The following ROBO1 variants were observed in gnomAD, a reference collection of about 807,000 sequenced individuals.
ROBO1 encodes roundabout homolog 1.
A neutral mutation model predicts 195.9 loss-of-function variants in ROBO1; 149 were observed. That is an observed-to-expected ratio of 0.76 (90% CI 0.67 to 0.87). ROBO1 has a LOEUF of 0.87. Ranked by LOEUF, ROBO1 falls within the 40% of genes least tolerant of loss-of-function variation. ROBO1 has a pLI of 0.00. For missense variants in ROBO1, 1,933 were observed against 2,068.3 expected, an observed-to-expected ratio of 0.93 and a Z score of 1.27; for synonymous variants, 816 against 733.2, an observed-to-expected ratio of 1.11 and a Z score of -1.82.
At chr3:78,739,684 C>A (rs554587869) in intron 5 of ROBO1, among the ~76,000 whole-genome samples, 128 of 152,216 alleles carry the variant, frequency 8.4e-4, no homozygotes, top group African/African-American at 2.7e-3. Flanking sequence ...TTTTAAAAAA[C>A]TACTCAATTT....
chr3:79,245,516 G>T (rs1272457510), intron 2 of ROBO1, among the ~76,000 whole-genome samples: 1 of 151,934 alleles, frequency 6.6e-6, no homozygotes, highest in African/African-American at 2.4e-5. Flanking sequence ...TAGCTTTGAG[G>T]TCTTTCCAGA....
At chr3:79,179,929 G>A (rs1576780012) in intron 2 of ROBO1, among the ~76,000 whole-genome samples, 1 of 152,014 alleles carries the variant, frequency 6.6e-6, no homozygotes, top group Non-Finnish European at 1.5e-5. Context: ...TGATTTTATT[G>A]GTTGACATGT....
intron 3 of ROBO1, among the ~76,000 whole-genome samples, chr3:78,988,913 A>G (rs1422015063): frequency 1.3e-5 from 2 of 152,192 alleles, no homozygotes; most frequent in African/African-American, 2.4e-5. Context: ...TCTGTCATAT[A>G]CCAAAAAAAG....
chr3:79,653,274 T>C (rs1946066640), intron 1 of ROBO1, among the ~76,000 whole-genome samples: 1 of 151,882 alleles, frequency 6.6e-6, no homozygotes, highest in Non-Finnish European at 1.5e-5. Flanking sequence ...TAATTTTTAA[T>C]TAAAATATTT....
chr3:79,637,062 A>G (rs1945516610), intron 1 of ROBO1, among the ~76,000 whole-genome samples: 1 of 152,190 alleles, frequency 6.6e-6, no homozygotes, highest in Admixed American at 6.5e-5. Flanking sequence ...TAAAAATTCA[A>G]TCACACTAAT....
chr3:78,891,834 C>G (rs1486508507), intron 4 of ROBO1, among the ~76,000 whole-genome samples: 1 of 152,124 alleles, frequency 6.6e-6, no homozygotes, highest in Non-Finnish European at 1.5e-5. Context: ...GAAGCCACAT[C>G]AAAATAGCAT....
At chr3:79,474,828 C>A (rs556869821) in intron 2 of ROBO1, among the ~76,000 whole-genome samples, 1 of 151,978 alleles carries the variant, frequency 6.6e-6, no homozygotes, top group Non-Finnish European at 1.5e-5. Flanking sequence ...TATTTGACAA[C>A]AAAGTGCATT....
chr3:79,102,529 T>C (rs2079697149), intron 3 of ROBO1, among the ~76,000 whole-genome samples: 1 of 151,872 alleles, frequency 6.6e-6, no homozygotes, highest in South Asian at 2.1e-4. Context: ...CAAAACTTCC[T>C]GTTTGCCAAT....
At chr3:79,716,969 T>A (rs915003336) in intron 1 of ROBO1, among the ~76,000 whole-genome samples, 1 of 152,098 alleles carries the variant, frequency 6.6e-6, no homozygotes, top group South Asian at 2.1e-4. Flanking sequence ...AGTAACTACA[T>A]ACCTAATCAT....
intron 2 of ROBO1, among the ~76,000 whole-genome samples, chr3:79,286,884 A>T (rs530178711): frequency 1.2e-3 from 183 of 152,306 alleles, no homozygotes; most frequent in African/African-American, 4.1e-3. Flanking sequence ...AATCCACATG[A>T]CTTTTAAAGA....
chr3:79,587,998 A>G (rs1943881550), intron 2 of ROBO1, among the ~76,000 whole-genome samples: 1 of 151,758 alleles, frequency 6.6e-6, no homozygotes, highest in Non-Finnish European at 1.5e-5. Flanking sequence ...ATCTAACTGT[A>G]TGCATCCCAT....
chr3:79,707,225 C>T (rs1455972694), intron 1 of ROBO1, among the ~76,000 whole-genome samples: 1 of 152,104 alleles, frequency 6.6e-6, no homozygotes. Flanking sequence ...AGAGTACTGA[C>T]ATATGGTGTC....
At chr3:78,927,995 A>C (rs2039310768) in intron 4 of ROBO1, among the ~76,000 whole-genome samples, 1 of 152,208 alleles carries the variant, frequency 6.6e-6, no homozygotes, top group Non-Finnish European at 1.5e-5. Flanking sequence ...GCCTGCTGTC[A>C]GCCAGGCACA....
At chr3:78,655,124 T>C (rs543450277) in intron 18 of ROBO1, among the ~76,000 whole-genome samples, 21 of 152,042 alleles carry the variant, frequency 1.4e-4, no homozygotes, top group Non-Finnish European at 1.8e-4. Flanking sequence ...TTGGTTTTTT[T>C]TAAAAAAAAT....
chr3:79,207,797 A>T (rs1228241485), intron 2 of ROBO1, among the ~76,000 whole-genome samples: 1 of 152,000 alleles, frequency 6.6e-6, no homozygotes, highest in Non-Finnish European at 1.5e-5. Context: ...AAAAAAAAAA[A>T]AAAAATCCAT....
At chr3:78,648,170 CAACA>C (rs924818645) in intron 19 of ROBO1, among the ~76,000 whole-genome samples, 14 of 151,442 alleles carry the variant, frequency 9.2e-5, no homozygotes, top group East Asian at 2.0e-4. Flanking sequence ...GAAGAAGAAA[CAACA>C]AACAAACAAA....
intron 4 of ROBO1, among the ~76,000 whole-genome samples, chr3:78,884,683 GGAAGGAAGGAAGGAAGGAAGGAAAGAAA>G (rs1431188895): frequency 3.8e-5 from 5 of 132,918 alleles, no homozygotes; most frequent in African/African-American, 1.5e-4. Flanking sequence ...AAGGAAGGAA[GGAAGGAAGGAAGGAAGGAAGGAAAGAAA>G]GAAGGAAAGG....
intron 3 of ROBO1, among the ~76,000 whole-genome samples, chr3:79,061,680 C>A (rs1271249285): frequency 6.6e-6 from 1 of 151,938 alleles, no homozygotes; most frequent in Non-Finnish European, 1.5e-5. Flanking sequence ...AGAACAGAGA[C>A]CTCAGAAATA....
intron 2 of ROBO1, among the ~76,000 whole-genome samples, chr3:79,333,403 A>C (rs897481828): frequency 6.6e-6 from 1 of 152,042 alleles, no homozygotes; most frequent in East Asian, 1.9e-4. Context: ...ACATATCCTT[A>C]TCAATTATCA....
Sources: allele counts gnomAD v4.1 joint callset (sites outside exome capture counted in the v4.1 genomes callset), GRCh38; gene constraint gnomAD v4.1.1; transcripts MANE v1.5; gene names NCBI Gene and HGNC (gene_info 2026-07-23, HGNC 2026-07-21).